TNRC18: variants seen among roughly 807,000 people sequenced by gnomAD.
TNRC18 encodes trinucleotide repeat containing 18.
A neutral mutation model predicts 226.7 loss-of-function variants in TNRC18; 69 were observed. That is an observed-to-expected ratio of 0.30 (90% CI 0.25 to 0.37). TNRC18 has a LOEUF of 0.37. Ranked by LOEUF, TNRC18 falls within the 10% of genes least tolerant of loss-of-function variation. The pLI is 1.00. For missense variants in TNRC18, 4,754 were observed against 4,256.6 expected (o/e 1.12, Z -3.25); for synonymous variants, 2,449 against 1,927.6 (o/e 1.27, Z -7.09).
chr7:5,396,034 G>A (rs1267936586), intron 2 of TNRC18, among the ~76,000 whole-genome samples: 2 of 149,204 alleles, frequency 1.3e-5, no homozygotes, highest in African/African-American at 2.5e-5. Flanking sequence ...AGCTGGGCGT[G>A]GTGGCGGGCA....
chr7:5,319,159 G>A (rs190237568), intron 24 of TNRC18, among the ~76,000 whole-genome samples: 7 of 152,260 alleles, frequency 4.6e-5, no homozygotes, highest in Admixed American at 2.6e-4. Context: ...AGCACTTTCA[G>A]AATTTGGATG....
At chr7:5,420,719 G>A (rs1260187876) in intron 2 of TNRC18, 4 of 556,604 alleles carry the variant, frequency 7.2e-6, no homozygotes, top group Admixed American at 2.2e-5. Flanking sequence ...GCGGGGGCCG[G>A]TTTGTTCTTT....
At chr7:5,315,581 G>A (rs1217790289) in intron 25 of TNRC18, among the ~76,000 whole-genome samples, 2 of 152,036 alleles carry the variant, frequency 1.3e-5, no homozygotes, top group African/African-American at 4.8e-5. Flanking sequence ...ATGTCACCAC[G>A]CCCGGCTAAT....
At chr7:5,371,392 G>C (rs759698377) in intron 10 of TNRC18, 28 bp from the exon 11 acceptor site, 4 of 1,488,910 alleles carry the variant, frequency 2.7e-6, no homozygotes, top group Non-Finnish European at 3.6e-6. Flanking sequence ...GTCAGCATGG[G>C]AGCCCTAGGA....
rs377715934 is a variant in TNRC18, at chr7:5,359,541, C to G, written c.4690G>C (p.Asp1564His). ...KLSSKSLLTS[D>H]DYELGAGIRK... ...ATCCCTGCTCCCAGCTCATAATCAT[C>G]TGATGTCAGCAGAGACTTGCTGCTC... Residue 1564 changes from aspartate (D) to histidine (H), a missense_variant, in exon 15 of 30, where the codon GAT becomes CAT. Physicochemically the swap from Asp to His is moderately conservative, Grantham distance 81. Coordinates refer to ENST00000430969, the MANE Select transcript of TNRC18 (RefSeq NM_001080495.3). 3.7e-6 allele frequency: 6 copies of G among 1,613,896 alleles called. No individual in the cohort carries two copies. Among genetic ancestry groups the G allele is most frequent in the Admixed American group, 1.7e-5 (1 of 60,002 alleles).
At chr7:5,316,521 C>G (rs1290131729) in intron 24 of TNRC18, among the ~76,000 whole-genome samples, 1 of 152,030 alleles carries the variant, frequency 6.6e-6, no homozygotes, top group Non-Finnish European at 1.5e-5. Context: ...TCAGGTGATC[C>G]GCCCACCTCA....
chr7:5,398,241 G>T (rs1173627418), intron 2 of TNRC18, among the ~76,000 whole-genome samples: 1 of 151,910 alleles, frequency 6.6e-6, no homozygotes, highest in Non-Finnish European at 1.5e-5. Context: ...CGCGATCTCG[G>T]CTCACCGCAC....
At chr7:5,398,522 T>C (rs1780859552) in intron 2 of TNRC18, among the ~76,000 whole-genome samples, 3 of 152,118 alleles carry the variant, frequency 2.0e-5, no homozygotes, top group Admixed American at 2.0e-4. Flanking sequence ...TCTTGCGATG[T>C]TGCCCAGGCT....
At position 5,377,473 on chromosome 7, in the gene TNRC18, C is replaced by A; in HGVS notation, c.2359G>T (p.Gly787Cys). ...LMVTGGPALA[G>C]SGRWSADPAA... ...GGGTCGGCAGACCAGCGACCTGAGC[C>A]CGCCAGCGCCGGGCCCCCCGTCACC... The change falls in exon 7 of 30, where the codon GGC (glycine) becomes TGC (cysteine). Residue 787 changes from glycine to cysteine, a missense_variant. By Grantham distance (159) the Gly-to-Cys change is radical. Transcript: ENST00000430969. This position sits in a 1 kb window ranked among gnomAD's most constrained non-coding sequence, Gnocchi z 5.8. 1 of 1,580,320 alleles carries A rather than the reference C, an allele frequency of 6.3e-7. No individual in the cohort carries two copies. Among genetic ancestry groups the A allele is most frequent in the Non-Finnish European group, 8.6e-7 (1 of 1,164,388 alleles).
chr7:5,307,978 G>A lies in TNRC18; in HGVS notation c.*128C>T. The stretch of plus-strand genomic sequence containing the variant: ...CACCCGGGCATCCACGTGCACACCT[G>A]GCCCCATGCACACGCCTGCAGGAGC... On this transcript the variant is annotated 3_prime_UTR_variant, in exon 30 of 30. Coordinates refer to ENST00000430969, the MANE Select transcript of TNRC18 (RefSeq NM_001080495.3). 1 of 826,104 alleles carries A rather than the reference G, an allele frequency of 1.2e-6. No homozygotes were observed. 51.2% of individuals were successfully genotyped at this position (826,104 alleles called of 1,614,324 possible).
chr7:5,411,460 G>A (rs1781839232), intron 2 of TNRC18, among the ~76,000 whole-genome samples: 1 of 146,200 alleles, frequency 6.8e-6, no homozygotes, highest in African/African-American at 2.5e-5. Context: ...AGAGGTTGCA[G>A]TGAGCCAAGA....
chr7:5,362,894 G>C, intron 11 of TNRC18, 69 bp from the exon 12 acceptor site: 9 of 1,425,246 alleles, frequency 6.3e-6, no homozygotes, highest in Non-Finnish European at 8.3e-6. Context: ...GGGATGCCGA[G>C]GCCCAAAGCA....
At position 5,359,563 on chromosome 7, in the gene TNRC18, G is replaced by A; in HGVS notation, c.4668C>T (p.Ser1556=). ...GKSGHSSGKL[S]SKSLLTSDDY... is the part of the protein sequence containing the mutation. ...CATCTGATGTCAGCAGAGACTTGCT[G>A]CTCAGCCTGAAACGCAGACACACTG... Residue 1556 remains serine, a synonymous_variant, in exon 15 of 30, where the codon AGC becomes AGT. Transcript: ENST00000430969. 2 of 1,613,736 alleles carry A rather than the reference G, an allele frequency of 1.2e-6. No homozygotes were observed. The highest frequency in any genetic ancestry group is 1.3e-5 in the African/African-American group (1 of 75,040).
rs1047659175 is a variant in TNRC18, at chr7:5,307,941, T to C, written c.*165A>G. 6.2e-5 allele frequency: 40 copies of C among 642,852 alleles called. No individual in the cohort carries two copies. Among genetic ancestry groups the C allele is most frequent in the Non-Finnish European group, 9.4e-5 (35 of 371,656 alleles). The allele number at this position is 642,852 out of a possible 1,614,324, so 39.8% of individuals were successfully genotyped here. ...GTGCACATGCGTGCACACACGTGCA[T>C]GCACACACACTCACCCGGGCATCCA... On this transcript the variant is annotated 3_prime_UTR_variant, in exon 30 of 30. Transcript: ENST00000430969.
intron 2 of TNRC18, among the ~76,000 whole-genome samples, chr7:5,398,306 G>T (rs1021154051): frequency 6.6e-6 from 1 of 152,044 alleles, no homozygotes; most frequent in African/African-American, 2.4e-5. Flanking sequence ...AAGTAGCTGG[G>T]ATTACAGGTA....
chr7:5,312,844 C>A lies in TNRC18; in HGVS notation c.8047G>T (p.Asp2683Tyr). ...TDEDSSCSSD[D>Y]EAAPAPTAGP... is the part of the protein sequence containing the mutation. The stretch of plus-strand genomic sequence containing the variant: ...GCCGTGGGGGCGGGGGCTGCCTCAT[C>A]GTCCGAGCTGCAGGAAGAGTCCTCG... Residue 2683 changes from aspartate to tyrosine, a missense_variant, in exon 27 of 30, where the codon GAT becomes TAT. By Grantham distance (160) the Asp-to-Tyr change is radical (BLOSUM62 -3). Coordinates refer to ENST00000430969, the MANE Select transcript of TNRC18 (RefSeq NM_001080495.3). The surrounding 1 kb of genome is among the most constrained non-coding windows in gnomAD (Gnocchi z 6.3). 3 of 1,525,134 alleles carry A rather than the reference C, an allele frequency of 2.0e-6. No individual in the cohort carries two copies. The highest frequency in any genetic ancestry group is 2.6e-6 in the Non-Finnish European group (3 of 1,136,998). 94.5% of individuals were successfully genotyped at this position (1,525,134 alleles called of 1,614,324 possible).
Position 5,394,732 on chromosome 7 carries a change from A to G in TNRC18, c.188-137T>C, listed in dbSNP as rs1025439437. 3 of 687,322 alleles carry G rather than the reference A, an allele frequency of 4.4e-6. No homozygotes were observed. Among genetic ancestry groups the G allele is most frequent in the Admixed American group, 3.1e-5 (1 of 32,728 alleles). 42.6% of individuals were successfully genotyped at this position (687,322 alleles called of 1,614,324 possible). The stretch of plus-strand genomic sequence containing the variant: ...GGAGCTGATGCTGGCCAGGAGACCA[A>G]AGAGGGTTCCCCTGCTCCGGCCCCA... On this transcript the variant is annotated intron_variant, in intron 2 of 29. Transcript: ENST00000430969. The surrounding 1 kb of genome is among the most constrained non-coding windows in gnomAD (Gnocchi z 4.5).
Position 5,345,517 on chromosome 7 carries a change from G to GGCCCCCCCCCCCCCCCCCCCCCC in TNRC18, c.5719+44_5719+45insGGGGGGGGGGGGGGGGGGGGGGC. 2.9e-5 allele frequency: 11 copies of GGCCCCCCCCCCCCCCCCCCCCCC among 377,744 alleles called. 1 individual carries two copies. Among genetic ancestry groups the GGCCCCCCCCCCCCCCCCCCCCCC allele is most frequent in the South Asian group, 1.3e-4 (3 of 22,822 alleles). The allele number at this position is 377,744 out of a possible 1,614,324, so 23.4% of individuals were successfully genotyped here. A position where few individuals can be genotyped will look rare whatever the true frequency, so the allele number is the denominator to read the frequency against. ...CCTGTGGGATGGGGCAATGGCGTCC[G>GGCCCCCCCCCCCCCCCCCCCCCC]CCCCTCCCACCCACCCCCACCGCAG... On this transcript the variant is annotated intron_variant, in intron 18 of 29. Coordinates refer to ENST00000430969, the MANE Select transcript of TNRC18 (RefSeq NM_001080495.3).
chr7:5,419,587 C>T (rs1782413484), intron 2 of TNRC18, among the ~76,000 whole-genome samples: 1 of 152,238 alleles, frequency 6.6e-6, no homozygotes, highest in African/African-American at 2.4e-5. Flanking sequence ...CCCTCCCTCG[C>T]CACAACACGC....
Sources: allele counts gnomAD v4.1 joint callset (sites outside exome capture counted in the v4.1 genomes callset), GRCh38; gene constraint gnomAD v4.1.1; non-coding constraint Gnocchi (gnomAD v3.1); transcripts MANE v1.5; gene names NCBI Gene and HGNC (gene_info 2026-07-23, HGNC 2026-07-21).